The following TECPR2 variants were observed in gnomAD, a reference collection of about 807,000 sequenced individuals.
TECPR2 encodes the protein tectonin beta-propeller repeat containing 2.
In TECPR2, 65 loss-of-function variants were observed where a neutral mutation model predicts 138.1. That is an observed-to-expected ratio of 0.47 (90% confidence interval 0.39 to 0.58). The LOEUF (loss-of-function observed/expected upper bound fraction) is 0.58. Ranked by LOEUF, TECPR2 falls within the 20% of genes least tolerant of loss-of-function variation. TECPR2 has a pLI of 0.00. For missense variants in TECPR2, 1,553 were observed against 1,824.5 expected, an observed-to-expected ratio of 0.85 and a Z score of 2.71; for synonymous variants, 746 against 749.8, an observed-to-expected ratio of 0.99 and a Z score of 0.08.
chr14:102,432,079 TGTC>T lies in TECPR2; in HGVS notation c.1371_1373del (p.Val458del). 1 of 1,609,320 alleles carries T rather than the reference TGTC, an allele frequency of 6.2e-7. No homozygotes were observed. Among genetic ancestry groups the T allele is most frequent in the South Asian group, 1.1e-5 (1 of 90,820 alleles). ...GCTCAGAGGACTTTGACCAGGAGCT[TGTC>T]GTGAAGCCTATCAAAGTGAAAAGGA... is the stretch of plus-strand genomic sequence containing the variant. On this transcript the variant is annotated inframe_deletion, in exon 8 of 20. Coordinates refer to ENST00000359520, the MANE Select transcript of TECPR2 (RefSeq NM_014844.5).
chr14:102,402,456 A>G (rs1459654126), intron 2 of TECPR2, among the ~76,000 whole-genome samples: 14 of 152,116 alleles, frequency 9.2e-5, no homozygotes, highest in African/African-American at 3.4e-4. Context: ...AAAATCTCAA[A>G]TCAACAACCT....
chr14:102,404,159 C>A (rs1315561608), intron 2 of TECPR2, among the ~76,000 whole-genome samples: 2 of 151,894 alleles, frequency 1.3e-5, no homozygotes, highest in Non-Finnish European at 2.9e-5. Context: ...CTGCCTTGGC[C>A]TCCCAAAATT....
At chr14:102,460,322 TA>T (rs1279171268) in intron 16 of TECPR2, among the ~76,000 whole-genome samples, 2 of 150,012 alleles carry the variant, frequency 1.3e-5, no homozygotes, top group Non-Finnish European at 3.0e-5. Context: ...ATCAATTAAT[TA>T]AAAAACAAGG....
rs550401843 is a variant in TECPR2, at chr14:102,465,746, T to G, written c.3789+457T>G. ...TTCCGTTTCCTGTCCAGCCCACTGCTGGCCAGCTCCTGCCATGTTTCAGCT... is the reference window on the plus strand; with the variant it reads ...TTCCGTTTCCTGTCCAGCCCACTGCGGGCCAGCTCCTGCCATGTTTCAGCT... On this transcript the variant is annotated intron_variant, in intron 17 of 19. Coordinates refer to ENST00000359520, the MANE Select transcript of TECPR2 (RefSeq NM_014844.5). The G allele has an allele frequency of 5.4e-6, 4 of 736,900 alleles. No individual in the cohort carries two copies. In the Admixed American group the frequency reaches 2.5e-4, roughly 46 times the overall value. 45.6% of individuals were successfully genotyped at this position (736,900 alleles called of 1,614,324 possible). A position where few individuals can be genotyped will look rare whatever the true frequency, so the allele number is the denominator to read the frequency against.
intron 5 of TECPR2, among the ~76,000 whole-genome samples, chr14:102,416,359 G>A (rs567550483): frequency 3.5e-4 from 54 of 152,164 alleles, no homozygotes; most frequent in Non-Finnish European, 7.2e-4. Flanking sequence ...GACCTCAGGT[G>A]ATCCGCCTGC....
chr14:102,470,181 ACCCC>A (rs1418201062), intron 17 of TECPR2, among the ~76,000 whole-genome samples: 11 of 151,558 alleles, frequency 7.3e-5, no homozygotes, highest in African/African-American at 1.9e-4. Flanking sequence ...TATTTTTTAC[ACCCC>A]ATTTGTTAGA....
At chr14:102,471,280 G>A (rs896465581) in intron 17 of TECPR2, among the ~76,000 whole-genome samples, 1 of 152,046 alleles carries the variant, frequency 6.6e-6, no homozygotes, top group Non-Finnish European at 1.5e-5. Context: ...AATCTAAGTA[G>A]TTTATTCTTT....
intron 9 of TECPR2, chr14:102,437,129 T>C (rs1464148788): frequency 3.0e-6 from 3 of 985,364 alleles, no homozygotes; most frequent in Non-Finnish European, 3.6e-6. Context: ...TGAGAAGAGT[T>C]GGGCACCATT....
chr14:102,379,057 G>A lies in TECPR2; in HGVS notation c.219+2117G>A, dbSNP rs186487741. Among the ~76,000 whole-genome samples the A allele has an allele frequency of 2.0e-5, 3 of 151,848 alleles. No homozygotes were observed. The East Asian group carries it at 5.8e-4, about 29-fold the overall frequency. Reference sequence around the variant, plus strand: ...ACGTAATCTTTCAAACTGTAGTTAGGAGTTTAATAGTCTGAAATCTCTCAA... The same window carrying A: ...ACGTAATCTTTCAAACTGTAGTTAGAAGTTTAATAGTCTGAAATCTCTCAA... On this transcript the variant is annotated intron_variant, in intron 2 of 19. Coordinates refer to ENST00000359520, the MANE Select transcript of TECPR2 (RefSeq NM_014844.5).
intron 17 of TECPR2, among the ~76,000 whole-genome samples, chr14:102,470,820 G>GTTT (rs58304399): frequency 8.1e-6 from 1 of 123,774 alleles, no homozygotes; most frequent in African/African-American, 3.1e-5. Flanking sequence ...TGTTTCTTGT[G>GTTT]TTTTTTTTTT....
chr14:102,489,206 C>T (rs963256518), intron 17 of TECPR2, among the ~76,000 whole-genome samples: 2 of 152,112 alleles, frequency 1.3e-5, no homozygotes, highest in Non-Finnish European at 2.9e-5. Context: ...TCTTATCCCT[C>T]AAGAAAGCCC....
rs200626084 is a variant in TECPR2 at position 102,445,872 on chromosome 14, C to T, written c.3000C>T (p.Asp1000=). ...LGDQQTLWAL[D]IHGNLWFRTG... Reference sequence around the variant, plus strand: ...ATCAGCAGACTCTCTGGGCCCTGGACATCCATGGGAACCTGTGGTTCAGAA... The same window carrying T: ...ATCAGCAGACTCTCTGGGCCCTGGATATCCATGGGAACCTGTGGTTCAGAA... The change falls in exon 13 of 20, where the codon GAC becomes GAT. Residue 1000 remains aspartate, a synonymous_variant. Coordinates refer to ENST00000359520, the MANE Select transcript of TECPR2 (RefSeq NM_014844.5). 6.8e-6 allele frequency: 11 copies of T among 1,613,946 alleles called. No homozygotes were observed. In the Admixed American group the frequency reaches 1.5e-4, roughly 22 times the overall value.
chr14:102,394,498 G>C (rs1488438920), intron 2 of TECPR2, among the ~76,000 whole-genome samples: 2 of 152,118 alleles, frequency 1.3e-5, no homozygotes, highest in South Asian at 4.1e-4. Context: ...GCTACTTGTA[G>C]GGGCTGAGGT....
At chr14:102,465,496 A>C in intron 17 of TECPR2, 1 of 1,317,578 alleles carries the variant, frequency 7.6e-7, no homozygotes, top group Non-Finnish European at 9.6e-7. Flanking sequence ...AGACTGTTAC[A>C]GATTATGAGT....
intron 2 of TECPR2, among the ~76,000 whole-genome samples, chr14:102,378,351 CCTTT>C (rs1183471428): frequency 6.6e-6 from 1 of 152,006 alleles, no homozygotes; most frequent in Non-Finnish European, 1.5e-5. Flanking sequence ...CACATACAGC[CCTTT>C]CTATGTGTCA....
chr14:102,363,749 C>G (rs1226216049), intron 1 of TECPR2, among the ~76,000 whole-genome samples: 2 of 152,244 alleles, frequency 1.3e-5, no homozygotes, highest in South Asian at 2.1e-4. Flanking sequence ...TCACTCCGCT[C>G]CAGTTTCATC....
At chr14:102,382,566 T>C (rs1387867713) in intron 2 of TECPR2, among the ~76,000 whole-genome samples, 1 of 152,206 alleles carries the variant, frequency 6.6e-6, no homozygotes, top group Non-Finnish European at 1.5e-5. Flanking sequence ...CAACTTGGTC[T>C]AATTCACATT....
chr14:102,465,786 A>G (rs1050147316), intron 17 of TECPR2: 3 of 338,574 alleles, frequency 8.9e-6, no homozygotes, highest in Admixed American at 6.4e-5. Flanking sequence ...GTGCATCCCA[A>G]CACAGAGTCT....
intron 2 of TECPR2, among the ~76,000 whole-genome samples, chr14:102,405,478 C>T (rs953015567): frequency 6.6e-6 from 1 of 152,068 alleles, no homozygotes; most frequent in African/African-American, 2.4e-5. Flanking sequence ...ATACCCCACA[C>T]CCATTAGGAT....
Sources: gnomAD v4.1 joint callset for allele counts (sites outside exome capture counted in the v4.1 genomes callset) on GRCh38, gnomAD v4.1.1 for gene constraint, MANE v1.5 for transcripts, NCBI Gene and HGNC (gene_info 2026-07-23, HGNC 2026-07-21) for gene names.